Variants in CCDC102B observed in about 807,000 individuals in gnomAD.
CCDC102B encodes coiled-coil domain containing 102B.
Under a neutral mutation model 57.4 loss-of-function variants are expected in CCDC102B, and 75 were observed. The observed-to-expected ratio is 1.31, with a 90% CI of 1.08 to 1.58. The LOEUF (loss-of-function observed/expected upper bound fraction) is 1.58. CCDC102B is among the 40% of genes most tolerant of loss of function. CCDC102B has a pLI of 0.00. For synonymous variants in CCDC102B, 206 were observed against 201.9 expected (o/e 1.02, Z -0.17); for missense variants, 636 against 582.6 (o/e 1.09, Z -0.94).
intron 2 of CCDC102B, among the ~76,000 whole-genome samples, chr18:68,724,524 T>C (rs1053446048): frequency 6.6e-6 from 1 of 152,186 alleles, no homozygotes; most frequent in Admixed American, 6.5e-5. Flanking sequence ...GTTCCACAGA[T>C]CTTTAGCGCA....
At chr18:68,802,894 T>A (rs948855158) in intron 1 of CCDC102B, among the ~76,000 whole-genome samples, 7 of 152,236 alleles carry the variant, frequency 4.6e-5, no homozygotes, top group Admixed American at 2.6e-4. Flanking sequence ...GGCTTTGTTC[T>A]CCCAAATATC....
At chr18:68,861,137 T>TAAAA (rs34120526) in intron 4 of CCDC102B, among the ~76,000 whole-genome samples, 1 of 150,372 alleles carries the variant, frequency 6.7e-6, no homozygotes. Flanking sequence ...TAAAACATAA[T>TAAAA]AAAAAAAAAA....
intron 7 of CCDC102B, among the ~76,000 whole-genome samples, chr18:69,051,461 C>T (rs980004385): frequency 6.6e-6 from 1 of 151,902 alleles, no homozygotes; most frequent in Non-Finnish European, 1.5e-5. Context: ...GTCAAATATA[C>T]TTAAATTATC....
intron 2 of CCDC102B, among the ~76,000 whole-genome samples, chr18:68,736,937 CA>C (rs2033156904): frequency 6.6e-6 from 1 of 151,976 alleles, no homozygotes; most frequent in Non-Finnish European, 1.5e-5. Flanking sequence ...TATCTCACTT[CA>C]GGTGCTCGAC....
intron 6 of CCDC102B, among the ~76,000 whole-genome samples, chr18:68,985,933 A>G (rs1285467830): frequency 6.6e-6 from 1 of 152,194 alleles, no homozygotes; most frequent in Non-Finnish European, 1.5e-5. Context: ...TGTAATCACT[A>G]GTGTGTTGGA....
chr18:68,860,562 C>T (rs2038705698), intron 4 of CCDC102B, among the ~76,000 whole-genome samples: 1 of 120,686 alleles, frequency 8.3e-6, no homozygotes, highest in Non-Finnish European at 1.8e-5. Flanking sequence ...GGCCTCCCTG[C>T]CTGTCCTCAA....
intron 4 of CCDC102B, among the ~76,000 whole-genome samples, chr18:68,858,160 A>G (rs2038567468): frequency 6.6e-6 from 1 of 152,100 alleles, no homozygotes; most frequent in South Asian, 2.1e-4. Context: ...CAACTGATCT[A>G]TTTTCTGTCA....
At chr18:68,926,204 A>G (rs1568334447) in intron 6 of CCDC102B, among the ~76,000 whole-genome samples, 9 of 151,922 alleles carry the variant, frequency 5.9e-5, no homozygotes. Context: ...AGAACAAGAA[A>G]AGTTTTGCAA....
intron 6 of CCDC102B, among the ~76,000 whole-genome samples, chr18:68,995,734 G>A (rs2051008002): frequency 6.6e-6 from 1 of 152,190 alleles, no homozygotes; most frequent in African/African-American, 2.4e-5. Flanking sequence ...GAAGAAAAAT[G>A]TGGGGTAAGA....
At chr18:68,738,887 GC>G (rs2033259368) in intron 2 of CCDC102B, among the ~76,000 whole-genome samples, 2 of 151,956 alleles carry the variant, frequency 1.3e-5, no homozygotes, top group Admixed American at 6.6e-5. Flanking sequence ...TGCACATTCA[GC>G]ACTCCCCATG....
intron 6 of CCDC102B, among the ~76,000 whole-genome samples, chr18:68,932,647 A>T (rs565983464): frequency 6.6e-6 from 1 of 151,930 alleles, no homozygotes; most frequent in Non-Finnish European, 1.5e-5. Context: ...TTAGTTTGAG[A>T]TTATATTTGA....
At chr18:68,914,637 T>C (rs897912100) in intron 6 of CCDC102B, among the ~76,000 whole-genome samples, 3 of 152,188 alleles carry the variant, frequency 2.0e-5, no homozygotes, top group African/African-American at 7.2e-5. Context: ...TTTCTTCGTT[T>C]ATTTATCACA....
intron 2 of CCDC102B, among the ~76,000 whole-genome samples, chr18:68,731,995 C>T (rs993647607): frequency 6.9e-6 from 1 of 144,000 alleles, no homozygotes; most frequent in East Asian, 2.1e-4. Context: ...CTGCTAAATA[C>T]TGACTATTTT....
intron 6 of CCDC102B, among the ~76,000 whole-genome samples, chr18:69,007,388 G>A (rs570968605): frequency 6.6e-6 from 1 of 152,190 alleles, no homozygotes; most frequent in East Asian, 1.9e-4. Flanking sequence ...CACTCAAGGC[G>A]CATATATCTT....
chr18:68,914,995 G>GAGAC (rs1555725688), intron 6 of CCDC102B, among the ~76,000 whole-genome samples: 1 of 146,764 alleles, frequency 6.8e-6, no homozygotes, highest in Non-Finnish European at 1.5e-5. Context: ...GAGAGAGAGA[G>GAGAC]ACAGACAGAA....
At chr18:68,802,850 C>T (rs2035902513) in intron 1 of CCDC102B, among the ~76,000 whole-genome samples, 1 of 152,172 alleles carries the variant, frequency 6.6e-6, no homozygotes, top group Non-Finnish European at 1.5e-5. Flanking sequence ...TCTTTTGAAA[C>T]CCCTTGGTCC....
At chr18:69,014,572 T>A (rs1250444661) in intron 7 of CCDC102B, among the ~76,000 whole-genome samples, 1 of 152,044 alleles carries the variant, frequency 6.6e-6, no homozygotes, top group East Asian at 1.9e-4. Context: ...CTAGTTTCAC[T>A]ATAGTATATT....
chr18:68,735,003 C>T (rs997952226), intron 2 of CCDC102B, among the ~76,000 whole-genome samples: 1 of 152,140 alleles, frequency 6.6e-6, no homozygotes, highest in African/African-American at 2.4e-5. Flanking sequence ...AGAAGAATTT[C>T]TGAAACTATA....
chr18:68,982,009 G>T (rs926295806), intron 6 of CCDC102B, among the ~76,000 whole-genome samples: 3 of 151,842 alleles, frequency 2.0e-5, no homozygotes, highest in Non-Finnish European at 2.9e-5. Context: ...AAGACAAGTA[G>T]GGAGATTGGG....
Sources: allele counts gnomAD v4.1 joint callset (sites outside exome capture counted in the v4.1 genomes callset), GRCh38; gene constraint gnomAD v4.1.1; transcripts MANE v1.5; gene names NCBI Gene and HGNC (gene_info 2026-07-23, HGNC 2026-07-21).